Variants in GLG1 observed in about 807,000 individuals in gnomAD.
GLG1 encodes the protein Golgi apparatus protein 1.
In GLG1, 38 loss-of-function variants were observed where a neutral mutation model predicts 160.5. The observed-to-expected ratio is 0.24, with a 90% CI of 0.18 to 0.31. GLG1 has a LOEUF of 0.31. GLG1 is among the 10% of genes least tolerant of loss of function. The probability of loss-of-function intolerance (pLI) is 1.00; values close to 1 mark genes in which losing one functional copy is unlikely to be tolerated. For missense variants in GLG1, 1,373 were observed against 1,505.2 expected, an observed-to-expected ratio of 0.91 and a Z score of 1.45; for synonymous variants, 644 against 543.4, an observed-to-expected ratio of 1.19 and a Z score of -2.57.
intron 3 of GLG1, among the ~76,000 whole-genome samples, chr16:74,504,393 T>C (rs1208088913): frequency 6.6e-6 from 1 of 152,194 alleles, no homozygotes; most frequent in Non-Finnish European, 1.5e-5. Context: ...GTTCAAGTGA[T>C]TCTCCTGCCT....
intron 1 of GLG1, among the ~76,000 whole-genome samples, chr16:74,547,007 G>A (rs1335532503): frequency 6.6e-6 from 1 of 152,106 alleles, no homozygotes; most frequent in Non-Finnish European, 1.5e-5. Context: ...TACTCAACTG[G>A]TTGCTAGAAC....
intron 1 of GLG1, among the ~76,000 whole-genome samples, chr16:74,587,480 C>T (rs1471203477): frequency 6.6e-6 from 1 of 152,194 alleles, no homozygotes; most frequent in Non-Finnish European, 1.5e-5. Context: ...AATTACCACA[C>T]TTGTAAAGCA....
At chr16:74,567,819 C>A (rs1331519495) in intron 1 of GLG1, among the ~76,000 whole-genome samples, 1 of 151,840 alleles carries the variant, frequency 6.6e-6, no homozygotes, top group Non-Finnish European at 1.5e-5. Flanking sequence ...CCACCCGCCT[C>A]GGCCTCCCAA....
intron 1 of GLG1, among the ~76,000 whole-genome samples, chr16:74,598,742 G>C (rs987874813): frequency 6.6e-6 from 1 of 151,076 alleles, no homozygotes; most frequent in Non-Finnish European, 1.5e-5. Context: ...AAATTAGCCG[G>C]GTGTGCTGGC....
chr16:74,542,384 T>C (rs1428025247), intron 1 of GLG1, among the ~76,000 whole-genome samples: 1 of 152,076 alleles, frequency 6.6e-6, no homozygotes, highest in South Asian at 2.1e-4. Context: ...AAAACTAGAC[T>C]AGGCCGGGCG....
At chr16:74,481,943 C>G (rs1361483023) in intron 10 of GLG1, among the ~76,000 whole-genome samples, 1 of 152,082 alleles carries the variant, frequency 6.6e-6, no homozygotes. Context: ...GCACCACCTA[C>G]GCCCGGCTAA....
At chr16:74,490,128 C>G (rs2015930711) in intron 8 of GLG1, among the ~76,000 whole-genome samples, 1 of 152,194 alleles carries the variant, frequency 6.6e-6, no homozygotes, top group Non-Finnish European at 1.5e-5. Context: ...ACAGGGCACA[C>G]TGGTGCACAT....
At position 74,480,384 on chromosome 16, in the gene GLG1, C is replaced by T. The variant is rs2015555811; in HGVS notation, c.1684G>A (p.Val562Ile). 8 of 1,611,858 alleles carry T rather than the reference C, an allele frequency of 5.0e-6. No individual in the cohort carries two copies. In the East Asian group the frequency reaches 1.8e-4, roughly 36 times the overall value. Residue 562 changes from valine (V) to isoleucine (I), a missense_variant, in exon 11 of 26, where the codon GTC becomes ATC. Around this residue, in one of 4 missense-constraint regions of GLG1, gnomAD observed 386 missense variants for 388.5 expected, o/e 0.99. Transcript: ENST00000422840. Reference protein sequence around the residue: ...FISRDWKLDPVLYRKCQGDAS... With the variant: ...FISRDWKLDPILYRKCQGDAS... ...TCTCCCTGGCACTTGCGGTACAGGA[C>T]AGGGTCCAGCCTATAAGGTTAAGAG... is the stretch of plus-strand genomic sequence containing the variant.
At chr16:74,602,357 A>G (rs763315319) in intron 1 of GLG1, among the ~76,000 whole-genome samples, 4 of 152,228 alleles carry the variant, frequency 2.6e-5, no homozygotes, top group African/African-American at 9.6e-5. Flanking sequence ...TATACATTTA[A>G]ATACAAAAAC....
At chr16:74,462,779 C>G (rs2014852756) in intron 20 of GLG1, 149 bp from the exon 21 acceptor site, 1 of 714,294 alleles carries the variant, frequency 1.4e-6, no homozygotes, top group Non-Finnish European at 2.4e-6. Flanking sequence ...ACTGAGCTCT[C>G]ACTACACTGT....
chr16:74,590,795 CAAAAAAAA>C (rs71158529), intron 1 of GLG1, among the ~76,000 whole-genome samples: 2 of 68,976 alleles, frequency 2.9e-5, no homozygotes, highest in African/African-American at 1.4e-4. Flanking sequence ...GAAACTGTCT[CAAAAAAAA>C]AAAAAAAAGA....
Position 74,471,197 on chromosome 16 carries a change from G to A in GLG1, c.2205C>T (p.Ala735=), listed in dbSNP as rs755646607. 7 of 1,607,418 alleles carry A rather than the reference G, an allele frequency of 4.4e-6. No homozygotes were observed. The highest frequency in any genetic ancestry group is 6.0e-6 in the Non-Finnish European group (7 of 1,173,886). ...KHQKDMNEKC[A]IGVTHFQLVQ... Reference sequence around the variant, plus strand: ...CCAGCTGGAAGTGGGTAACTCCGATGGCACACTTCTCGTTCATGTCCTTCT... The same window carrying A: ...CCAGCTGGAAGTGGGTAACTCCGATAGCACACTTCTCGTTCATGTCCTTCT... Residue 735 remains alanine, a synonymous_variant, in exon 15 of 26, where the codon GCC becomes GCT. Transcript: ENST00000422840.
chr16:74,526,986 C>T (rs1199318861), intron 2 of GLG1, among the ~76,000 whole-genome samples: 8 of 152,120 alleles, frequency 5.3e-5, no homozygotes, highest in Admixed American at 3.9e-4. Flanking sequence ...TGCTATCAAC[C>T]TGTAAGGGTC....
chr16:74,545,400 C>T (rs1337175072), intron 1 of GLG1, among the ~76,000 whole-genome samples: 1 of 151,956 alleles, frequency 6.6e-6, no homozygotes, highest in Non-Finnish European at 1.5e-5. Context: ...AGGCTGGTCT[C>T]GCACTCCTAG....
rs754176332 is a variant in GLG1, at chr16:74,469,037, G to A, written c.2345C>T (p.Thr782Met). Residue 782 changes from threonine to methionine, a missense_variant, in exon 17 of 26, where the codon ACG becomes ATG. This residue lies in a region of GLG1 where 491 missense variants were observed against 632.1 expected (regional missense o/e 0.78). Transcript: ENST00000422840. ...KKVDVVICLS[T>M]TVRNDTLQEA... ...CTGCAGAGTGTCATTGCGCACGGTC[G>A]TGCTCAGGCAGATCACCACGTCCAC... 2.3e-5 allele frequency: 37 copies of A among 1,613,790 alleles called. No individual in the cohort carries two copies. Among genetic ancestry groups the A allele is most frequent in the Non-Finnish European group, 2.8e-5 (33 of 1,179,764 alleles).
At chr16:74,453,591 T>C (rs999854393) in intron 25 of GLG1, among the ~76,000 whole-genome samples, 4 of 152,102 alleles carry the variant, frequency 2.6e-5, no homozygotes, top group African/African-American at 9.7e-5. Flanking sequence ...ATCACAGTGA[T>C]CACCACTAAC....
At chr16:74,541,489 G>C (rs1430397885) in intron 1 of GLG1, among the ~76,000 whole-genome samples, 1 of 152,170 alleles carries the variant, frequency 6.6e-6, no homozygotes, top group Non-Finnish European at 1.5e-5. Flanking sequence ...TTTGATTCCA[G>C]TTCCACTGCA....
chr16:74,561,231 A>G (rs1464030516), intron 1 of GLG1, among the ~76,000 whole-genome samples: 1 of 152,208 alleles, frequency 6.6e-6, no homozygotes, highest in African/African-American at 2.4e-5. Flanking sequence ...CCTGCCCCCA[A>G]TATTGGCACC....
chr16:74,511,743 A>C (rs1209521032), intron 2 of GLG1, among the ~76,000 whole-genome samples: 1 of 152,192 alleles, frequency 6.6e-6, no homozygotes, highest in Non-Finnish European at 1.5e-5. Flanking sequence ...ATGTCCTACA[A>C]TTGAGCTAGA....
Sources: gnomAD v4.1 joint callset for allele counts (sites outside exome capture counted in the v4.1 genomes callset) on GRCh38, gnomAD v4.1.1 for gene constraint, gnomAD v4.1.1 regional missense constraint, MANE v1.5 for transcripts, NCBI Gene and HGNC (gene_info 2026-07-23, HGNC 2026-07-21) for gene names.